Variants in NKD2 observed in about 807,000 individuals in gnomAD.
NKD2 encodes NKD inhibitor of Wnt signaling pathway 2.
Under a neutral mutation model 34.8 loss-of-function variants are expected in NKD2, and 43 were observed. That is an observed-to-expected ratio of 1.24 (90% CI 0.97 to 1.60). The LOEUF (loss-of-function observed/expected upper bound fraction) is 1.60. NKD2 is among the 40% of genes most tolerant of loss of function. The pLI is 0.00. For synonymous variants in NKD2, 278 were observed against 265.1 expected, an observed-to-expected ratio of 1.05 and a Z score of -0.47; for missense variants, 675 against 627.1, an observed-to-expected ratio of 1.08 and a Z score of -0.82.
chr5:1,022,128 C>T (rs1579256629), intron 3 of NKD2, among the ~76,000 whole-genome samples: 1 of 151,820 alleles, frequency 6.6e-6, no homozygotes, highest in Admixed American at 6.6e-5. Context: ...CCCTGTCCAC[C>T]AGTAGCCAGT....
chr5:1,037,596 C>T, intron 9 of NKD2: 1 of 1,535,932 alleles, frequency 6.5e-7, no homozygotes, highest in Non-Finnish European at 8.7e-7. Flanking sequence ...TCGGCCTTTG[C>T]AGGGAGCTGT....
rs373861719 is a variant in NKD2, at chr5:1,034,808, A to G, written c.479A>G (p.Asn160Ser). The change falls in exon 7 of 10, where the codon AAC (asparagine) becomes AGC (serine). Residue 160 changes from asparagine (N) to serine (S), a missense_variant. By Grantham distance (46) the Asn-to-Ser change is conservative (BLOSUM62 1). Coordinates refer to ENST00000296849, the MANE Select transcript of NKD2 (RefSeq NM_033120.4). ...TATGAGGTCGTGGATGCCTCGGTCA[A>G]CCACTCCTCGGGCAGCAGCAAGACC... ...TIYEVVDASV[N>S]HSSGSSKTLR... The G allele has an allele frequency of 2.2e-5, 36 of 1,612,662 alleles. No homozygotes were observed. Among genetic ancestry groups the G allele is most frequent in the African/African-American group, 9.3e-5 (7 of 74,912 alleles).
In NKD2 at chr5:1,038,356, C is replaced by T; in HGVS notation, c.1339C>T (p.His447Tyr). 6.5e-7 allele frequency: 1 copy of T among 1,535,978 alleles called. No individual in the cohort carries two copies. Among genetic ancestry groups the T allele is most frequent in the Non-Finnish European group, 8.7e-7 (1 of 1,147,080 alleles). ...HEHHHHHHHH[H>Y]FHPS Reference sequence around the variant, plus strand: ...GCACCACCACCACCACCACCACCACCACTTCCACCCGTCCTAGCGCCACTG... The same window carrying T: ...GCACCACCACCACCACCACCACCACTACTTCCACCCGTCCTAGCGCCACTG... The change falls in exon 10 of 10, where the codon CAC (histidine) becomes TAC (tyrosine). Residue 447 changes from histidine to tyrosine, a missense_variant. His to Tyr is a moderately conservative substitution (Grantham distance 83). Coordinates refer to ENST00000296849, the MANE Select transcript of NKD2 (RefSeq NM_033120.4). This position sits in a 1 kb window ranked among gnomAD's most constrained non-coding sequence, Gnocchi z 4.5.
At position 1,038,329 on chromosome 5, in the gene NKD2, G is replaced by A. The variant is rs538650344; in HGVS notation, c.1312G>A (p.Glu438Lys). The A allele has an allele frequency of 6.8e-5, 104 of 1,531,782 alleles. No homozygotes were observed. The highest frequency in any genetic ancestry group is 6.6e-4 in the East Asian group (27 of 40,612). The allele number at this position is 1,531,782 out of a possible 1,614,324, so 94.9% of individuals were successfully genotyped here. ...GCGGCACGAGCACCACCACCACCAC[G>A]AGCACCACCACCACCACCACCACCA... ...IQRHEHHHHH[E>K]HHHHHHHHHF... Residue 438 changes from glutamate to lysine, a missense_variant, in exon 10 of 10, where the codon GAG becomes AAG. By Grantham distance (56) the Glu-to-Lys change is moderately conservative. Coordinates refer to ENST00000296849, the MANE Select transcript of NKD2 (RefSeq NM_033120.4). The surrounding 1 kb of genome is among the most constrained non-coding windows in gnomAD (Gnocchi z 4.5).
At position 1,033,441 on chromosome 5, in the gene NKD2, A is replaced by G; in HGVS notation, c.272A>G (p.Glu91Gly). 1 of 1,576,282 alleles carries G rather than the reference A, an allele frequency of 6.3e-7. No homozygotes were observed. The highest frequency in any genetic ancestry group is 8.6e-7 in the Non-Finnish European group (1 of 1,161,730). The change falls in exon 5 of 10, where the codon GAG (glutamate) becomes GGG (glycine). Residue 91 changes from glutamate (E) to glycine (G), a missense_variant. Glu to Gly is a moderately conservative substitution (Grantham distance 98). Coordinates refer to ENST00000296849, the MANE Select transcript of NKD2 (RefSeq NM_033120.4). ...PGQLLSADDG[E>G]RAANREGPRG... Reference sequence around the variant, plus strand: ...CAACTCCTCAGCGCAGATGACGGAGAGAGGGCAGCAAACCGCGAGGGCCCG... The same window carrying G: ...CAACTCCTCAGCGCAGATGACGGAGGGAGGGCAGCAAACCGCGAGGGCCCG...
At chr5:1,021,942 C>T (rs924318239) in intron 3 of NKD2, among the ~76,000 whole-genome samples, 9 of 152,200 alleles carry the variant, frequency 5.9e-5, no homozygotes, top group Non-Finnish European at 1.2e-4. Flanking sequence ...CGGGCCCCTC[C>T]CCCAGGGCCG....
intron 4 of NKD2, among the ~76,000 whole-genome samples, chr5:1,032,885 C>T (rs2150746628): frequency 6.6e-6 from 1 of 152,322 alleles, no homozygotes; most frequent in East Asian, 1.9e-4. Context: ...AATAATTGTG[C>T]TCCAGAAACC....
At chr5:1,033,610 C>T in intron 5 of NKD2, 111 bp downstream of exon 5, 5 of 1,274,716 alleles carry the variant, frequency 3.9e-6, no homozygotes, top group Non-Finnish European at 4.2e-6. Flanking sequence ...GTAGTTCACT[C>T]AGTCTTCCCC....
chr5:1,010,852 T>C (rs1755725721), intron 3 of NKD2, among the ~76,000 whole-genome samples: 1 of 152,228 alleles, frequency 6.6e-6, no homozygotes, highest in Admixed American at 6.5e-5. Flanking sequence ...GGCCGGCCCC[T>C]GTCCATTGGC....
intron 8 of NKD2, 55 bp from the exon 9 acceptor site, chr5:1,036,202 G>T: frequency 6.8e-7 from 1 of 1,472,644 alleles, no homozygotes; most frequent in East Asian, 2.5e-5. Flanking sequence ...CCCGTCATCA[G>T]GGGTGCGCCA....
intron 9 of NKD2, chr5:1,037,444 G>A: frequency 7.8e-7 from 1 of 1,289,500 alleles, no homozygotes; most frequent in Non-Finnish European, 1.1e-6. Flanking sequence ...ATTTTGTAAT[G>A]AGGGTTTAGG....
intron 6 of NKD2, among the ~76,000 whole-genome samples, chr5:1,034,546 A>C (rs1196509822): frequency 6.6e-6 from 1 of 152,206 alleles, no homozygotes; most frequent in Admixed American, 6.5e-5. Flanking sequence ...CCACACTGCA[A>C]GGCTGCCCTC....
At chr5:1,017,949 C>G (rs1756024527) in intron 3 of NKD2, among the ~76,000 whole-genome samples, 1 of 151,970 alleles carries the variant, frequency 6.6e-6, no homozygotes, top group Non-Finnish European at 1.5e-5. Flanking sequence ...ACAGGCCAGG[C>G]AGGGGCGGGG....
chr5:1,016,076 G>A (rs2150728618), intron 3 of NKD2, among the ~76,000 whole-genome samples: 1 of 152,348 alleles, frequency 6.6e-6, no homozygotes, highest in South Asian at 2.1e-4. Context: ...TGTGTGAGAG[G>A]GGTCTGCCCA....
chr5:1,034,717 G>A (rs376087269), intron 6 of NKD2, 39 bp from the exon 7 acceptor site: 1 of 1,594,788 alleles, frequency 6.3e-7, no homozygotes, highest in East Asian at 2.2e-5. Context: ...GGTGTCCCCT[G>A]GGGTCTGCTC....
intron 3 of NKD2, among the ~76,000 whole-genome samples, chr5:1,011,771 T>C (rs1277490611): frequency 5.3e-5 from 8 of 152,256 alleles, no homozygotes; most frequent in Non-Finnish European, 8.8e-5. Context: ...GGCTCCTGCC[T>C]CTGTACGTGT....
chr5:1,023,412 C>T (rs62330232), intron 3 of NKD2, among the ~76,000 whole-genome samples: 748 of 10,188 alleles, frequency 0.073, 35 homozygotes, highest in East Asian at 0.5. Context: ...CCGCTGTGGG[C>T]GTCCCAGCCC....
chr5:1,030,796 C>T (rs953787070), intron 3 of NKD2, among the ~76,000 whole-genome samples: 15 of 152,198 alleles, frequency 9.9e-5, no homozygotes, highest in African/African-American at 3.6e-4. Context: ...AAAATGAGGG[C>T]AAGCTCTCCT....
In NKD2 at chr5:1,008,959, C is replaced by G. The variant is rs1200311799; in HGVS notation, c.-99C>G. 2.5e-6 allele frequency: 1 copy of G among 407,160 alleles called. No individual in the cohort carries two copies. Among genetic ancestry groups the G allele is most frequent in the African/African-American group, 2.1e-5 (1 of 48,104 alleles). 25.2% of individuals were successfully genotyped at this position (407,160 alleles called of 1,614,324 possible). ...CCCTCACCTCCTACCGGCACCCTAG[C>G]TTGCTCCCGGCCCATGCGGCCCCCG... On this transcript the variant is annotated 5_prime_UTR_variant, in exon 1 of 10. Transcript: ENST00000296849.
Sources: allele counts gnomAD v4.1 joint callset (sites outside exome capture counted in the v4.1 genomes callset), GRCh38; gene constraint gnomAD v4.1.1; non-coding constraint Gnocchi (gnomAD v3.1); transcripts MANE v1.5; gene names NCBI Gene and HGNC (gene_info 2026-07-23, HGNC 2026-07-21).